Variants in LURAP1L observed in about 807,000 individuals in gnomAD.
The protein encoded by LURAP1L is leucine rich adaptor protein 1-like.
In LURAP1L, 12 loss-of-function variants were observed where a neutral mutation model predicts 13.8. The observed-to-expected ratio is 0.87, with a 90% CI of 0.56 to 1.41. LURAP1L has a LOEUF of 1.41. Ranked by LOEUF, LURAP1L falls within the 40% of genes most tolerant of loss-of-function variation. LURAP1L has a pLI of 0.00. For synonymous variants in LURAP1L, 139 were observed against 119.2 expected, an observed-to-expected ratio of 1.17 and a Z score of -1.08; for missense variants, 375 against 292.9, an observed-to-expected ratio of 1.28 and a Z score of -2.04.
At position 12,821,554 on chromosome 9, in the gene LURAP1L, C is replaced by A. The variant is rs534001506; in HGVS notation, c.481C>A (p.Arg161Ser). The A allele has an allele frequency of 1.9e-6, 3 of 1,614,012 alleles. No homozygotes were observed. Among genetic ancestry groups the A allele is most frequent in the Non-Finnish European group, 2.5e-6 (3 of 1,180,038 alleles). ...GTTGGAGAGTCAGAGCACCTCCTTA[C>A]GTGGCAGCTACAACAGCCTACACGA... ...SLLESQSTSL[R>S]GSYNSLHDGS... The change falls in exon 2 of 2, where the codon CGT (arginine) becomes AGT (serine). Residue 161 changes from arginine (R) to serine (S), a missense_variant. Physicochemically the swap from Arg to Ser is moderately radical, Grantham distance 110. Coordinates refer to ENST00000319264, the MANE Select transcript of LURAP1L (RefSeq NM_203403.2).
chr9:12,816,108 G>C (rs937318419), intron 1 of LURAP1L, among the ~76,000 whole-genome samples: 1 of 152,150 alleles, frequency 6.6e-6, no homozygotes, highest in Non-Finnish European at 1.5e-5. Context: ...AAATATCAGA[G>C]AATATGTCGA....
At chr9:12,818,690 G>A (rs544489523) in intron 1 of LURAP1L, among the ~76,000 whole-genome samples, 7 of 152,268 alleles carry the variant, frequency 4.6e-5, no homozygotes, top group African/African-American at 1.4e-4. Context: ...GGGAGTATTT[G>A]GAGAGGAAGA....
intron 1 of LURAP1L, chr9:12,790,760 T>C (rs1463524770): frequency 2.0e-5 from 3 of 151,636 alleles, no homozygotes; most frequent in Admixed American, 6.6e-5. Context: ...TTTTTTTTTT[T>C]CATCCCTAAG....
intron 1 of LURAP1L, among the ~76,000 whole-genome samples, chr9:12,818,243 G>GA (rs1305304029): frequency 6.6e-6 from 1 of 151,726 alleles, no homozygotes; most frequent in African/African-American, 2.4e-5. Flanking sequence ...TAATAAAACT[G>GA]AAAAACTTGT....
At position 12,775,992 on chromosome 9, in the gene LURAP1L, C is replaced by A. The variant is rs1161578509; in HGVS notation, c.277C>A (p.Leu93Ile). 6.2e-7 allele frequency: 1 copy of A among 1,610,582 alleles called. No homozygotes were observed. The highest frequency in any genetic ancestry group is 1.1e-5 in the South Asian group (1 of 90,218). Residue 93 changes from leucine to isoleucine, a missense_variant, in exon 1 of 2, where the codon CTA becomes ATA. Leu to Ile is a conservative substitution (Grantham distance 5). Coordinates refer to ENST00000319264, the MANE Select transcript of LURAP1L (RefSeq NM_203403.2). ...TAGCCACTCTAGCGCCCTGGAGAGG[C>A]TAGAAACCAAGCTTCACCTCCTCAG... The part of the protein sequence containing the change: ...RGSHSSALER[L>I]ETKLHLLRQE...
In LURAP1L at chr9:12,822,662, C is replaced by G. The variant is rs1360343170; in HGVS notation, c.*902C>G. On this transcript the variant is annotated 3_prime_UTR_variant, in exon 2 of 2. Transcript: ENST00000319264. ...CTATCAGCATCCTACTACTGCTTCC[C>G]TAAAGCAGAATTGTTATTCATTTAA... 6.6e-6 allele frequency among the ~76,000 whole-genome samples: 1 copy of G among 152,132 alleles called. No homozygotes were observed. Among genetic ancestry groups the G allele is most frequent in the Non-Finnish European group, 1.5e-5 (1 of 68,016 alleles).
chr9:12,821,311 C>G, intron 1 of LURAP1L, 75 bp from the exon 2 acceptor site: 1 of 1,472,304 alleles, frequency 6.8e-7, no homozygotes, highest in Non-Finnish European at 9.2e-7. Context: ...CTGCAGCAGA[C>G]AGTCCCCAGA....
intron 1 of LURAP1L, among the ~76,000 whole-genome samples, chr9:12,812,395 G>A (rs1020890585): frequency 4.6e-5 from 7 of 152,104 alleles, no homozygotes; most frequent in East Asian, 3.9e-4. Context: ...TAGGAGCAGC[G>A]CCCATCCATT....
At chr9:12,785,623 G>A (rs1245780535) in intron 1 of LURAP1L, among the ~76,000 whole-genome samples, 1 of 152,164 alleles carries the variant, frequency 6.6e-6, no homozygotes, top group African/African-American at 2.4e-5. Context: ...GCCCTGTATT[G>A]CTTTGCACTG....
intron 1 of LURAP1L, among the ~76,000 whole-genome samples, chr9:12,790,167 T>C (rs918253487): frequency 4.6e-4 from 70 of 152,280 alleles, no homozygotes; most frequent in African/African-American, 1.6e-3. Context: ...TGAAAGTCTG[T>C]GGACAAAATT....
At chr9:12,816,386 A>G (rs2118548616) in intron 1 of LURAP1L, among the ~76,000 whole-genome samples, 1 of 152,248 alleles carries the variant, frequency 6.6e-6, no homozygotes, top group Non-Finnish European at 1.5e-5. Context: ...CTTCATGTAT[A>G]AGGAAACTGA....
At chr9:12,818,493 CTTCT>C (rs1336587488) in intron 1 of LURAP1L, among the ~76,000 whole-genome samples, 3 of 152,156 alleles carry the variant, frequency 2.0e-5, no homozygotes, top group Admixed American at 6.5e-5. Flanking sequence ...TGAGACATGG[CTTCT>C]TTCTTTAAGG....
chr9:12,802,767 G>T (rs935390190), intron 1 of LURAP1L, among the ~76,000 whole-genome samples: 1 of 152,096 alleles, frequency 6.6e-6, no homozygotes, highest in Non-Finnish European at 1.5e-5. Context: ...ATCTCTCGGG[G>T]TTATCTTTGC....
At chr9:12,779,976 T>C (rs1819246978) in intron 1 of LURAP1L, among the ~76,000 whole-genome samples, 1 of 152,184 alleles carries the variant, frequency 6.6e-6, no homozygotes, top group South Asian at 2.1e-4. Context: ...TCTCCAGTAG[T>C]ACTTCCTCTC....
At chr9:12,806,492 G>A (rs1189356143) in intron 1 of LURAP1L, among the ~76,000 whole-genome samples, 1 of 151,932 alleles carries the variant, frequency 6.6e-6, no homozygotes, top group Non-Finnish European at 1.5e-5. Flanking sequence ...TAAACAGTAG[G>A]TCACACAAAA....
In LURAP1L at chr9:12,776,629, C is replaced by A. The variant is rs770371115; in HGVS notation, c.312+602C>A. 1.1e-3 allele frequency among the ~76,000 whole-genome samples: 174 copies of A among 151,988 alleles called. 4 individuals are homozygous for A. The highest frequency in any genetic ancestry group is 3.5e-4 in the Non-Finnish European group (24 of 68,010). On this transcript the variant is annotated intron_variant, in intron 1 of 1. Coordinates refer to ENST00000319264, the MANE Select transcript of LURAP1L (RefSeq NM_203403.2). The stretch of plus-strand genomic sequence containing the variant: ...CCACAGCTGGTTCTGAAAACAATGG[C>A]CTACTCGTCCTTGATGTACTTATGA...
At chr9:12,801,170 T>C (rs375327940) in intron 1 of LURAP1L, among the ~76,000 whole-genome samples, 3 of 152,278 alleles carry the variant, frequency 2.0e-5, no homozygotes, top group South Asian at 2.1e-4. Context: ...ATGTGGCCTC[T>C]TAATTGTAGC....
intron 1 of LURAP1L, among the ~76,000 whole-genome samples, chr9:12,783,827 C>A (rs76801004): frequency 8.5e-6 from 1 of 117,400 alleles, no homozygotes; most frequent in Non-Finnish European, 1.8e-5. Context: ...AGGTCCTGGG[C>A]TTTTTTTTTT....
At chr9:12,795,064 T>C (rs1819494615) in intron 1 of LURAP1L, among the ~76,000 whole-genome samples, 1 of 151,976 alleles carries the variant, frequency 6.6e-6, no homozygotes, top group African/African-American at 2.4e-5. Context: ...ATCATAGTCA[T>C]TTAATGCTAT....
Sources: allele counts gnomAD v4.1 joint callset (sites outside exome capture counted in the v4.1 genomes callset), GRCh38; gene constraint gnomAD v4.1.1; transcripts MANE v1.5; gene names NCBI Gene and HGNC (gene_info 2026-07-23, HGNC 2026-07-21).